The following ADAMTSL1 variants were observed in gnomAD, a reference collection of about 807,000 sequenced individuals.
The protein encoded by ADAMTSL1 is ADAMTS like 1.
A neutral mutation model predicts 201.8 loss-of-function variants in ADAMTSL1; 126 were observed. That is an observed-to-expected ratio of 0.62 (90% CI 0.54 to 0.72). The LOEUF (loss-of-function observed/expected upper bound fraction) is 0.72, where lower values mean the gene tolerates loss of function less well. ADAMTSL1 is among the 30% of genes least tolerant of loss of function. The pLI is 0.00. For missense variants in ADAMTSL1, 2,679 were observed against 2,277.8 expected, an observed-to-expected ratio of 1.18 and a Z score of -3.59; for synonymous variants, 1,121 against 903.4, an observed-to-expected ratio of 1.24 and a Z score of -4.32.
intron 1 of ADAMTSL1, among the ~76,000 whole-genome samples, chr9:17,959,034 G>A (rs751925255): frequency 6.6e-6 from 1 of 152,064 alleles, no homozygotes; most frequent in East Asian, 1.9e-4. Flanking sequence ...CTGCCTGTGG[G>A]AATAGTAATT....
At chr9:18,669,617 G>A (rs2133081816) in intron 9 of ADAMTSL1, among the ~76,000 whole-genome samples, 1 of 152,192 alleles carries the variant, frequency 6.6e-6, no homozygotes, top group Middle Eastern at 3.4e-3. Flanking sequence ...GTAAATGTTA[G>A]GGAAACTCTC....
chr9:18,755,781 G>C (rs1819714387), intron 16 of ADAMTSL1, among the ~76,000 whole-genome samples: 1 of 151,826 alleles, frequency 6.6e-6, no homozygotes, highest in Admixed American at 6.6e-5. Flanking sequence ...CCTTCTTTTT[G>C]GGAGAAGCAT....
chr9:18,870,752 T>G (rs1827833294), intron 23 of ADAMTSL1, among the ~76,000 whole-genome samples: 1 of 152,160 alleles, frequency 6.6e-6, no homozygotes, highest in Admixed American at 6.6e-5. Context: ...CTGCCACTGT[T>G]TTTGGTAATT....
chr9:18,417,831 T>G lies in ADAMTSL1; in HGVS notation c.208-86998T>G, dbSNP rs553611846. On this transcript the variant is annotated intron_variant, in intron 2 of 29. Coordinates refer to the ADAMTSL1 transcript ENST00000680146. ...ATAACACCACGTCTACCCAATCTCTTCCAGCAGGTAAAAATGCAGAGAAAA... is the reference window on the plus strand; with the variant it reads ...ATAACACCACGTCTACCCAATCTCTGCCAGCAGGTAAAAATGCAGAGAAAA... 3.2e-4 allele frequency among the ~76,000 whole-genome samples: 49 copies of G among 152,262 alleles called. 1 individual carries two copies. The South Asian group carries it at 4.8e-3, about 15-fold the overall frequency.
At chr9:18,904,514 A>T (rs1830182899) in intron 26 of ADAMTSL1, among the ~76,000 whole-genome samples, 1 of 151,252 alleles carries the variant, frequency 6.6e-6, no homozygotes. Context: ...AAAGAGAGAA[A>T]TTTTAGCCAC....
rs111236083 is a variant in ADAMTSL1 at position 18,069,398 on chromosome 9, G to A, written c.88-94464G>A. Among the ~76,000 whole-genome samples, 161 of 152,126 alleles carry A rather than the reference G, an allele frequency of 1.1e-3. 3 individuals carry two copies. The highest frequency in any genetic ancestry group is 3.6e-3 in the African/African-American group (151 of 41,496). On this transcript the variant is annotated intron_variant, in intron 1 of 29. Transcript: ENST00000680146. ...TAAGAAGGACATATTACACTGCAAC[G>A]TATTATATACATACATACATACATA...
chr9:18,770,208 G>A (rs149129033), intron 16 of ADAMTSL1, among the ~76,000 whole-genome samples: 22 of 152,256 alleles, frequency 1.4e-4, no homozygotes, highest in African/African-American at 4.1e-4. Flanking sequence ...TACTGATGGC[G>A]GGAGCTCTCT....
chr9:18,006,614 A>G (rs1038565467), intron 1 of ADAMTSL1, among the ~76,000 whole-genome samples: 1 of 152,000 alleles, frequency 6.6e-6, no homozygotes, highest in Non-Finnish European at 1.5e-5. Context: ...CCTTGGATAT[A>G]TCCCATGGTC....
chr9:18,405,652 A>G (rs912752540), intron 2 of ADAMTSL1, among the ~76,000 whole-genome samples: 4 of 151,196 alleles, frequency 2.6e-5, no homozygotes, highest in African/African-American at 7.3e-5. Flanking sequence ...AAAAAAAAAG[A>G]CTTACCTTGG....
chr9:18,235,330 C>T (rs995989308), intron 2 of ADAMTSL1, among the ~76,000 whole-genome samples: 7 of 152,148 alleles, frequency 4.6e-5, no homozygotes, highest in Non-Finnish European at 8.8e-5. Flanking sequence ...GCCACAGAAG[C>T]GAAGTGCCCT....
In ADAMTSL1 at chr9:18,769,301, C is replaced by T. The variant is rs939709183; in HGVS notation, c.2218-1301C>T. Among the ~76,000 whole-genome samples, 9 of 152,330 alleles carry T rather than the reference C, an allele frequency of 5.9e-5. No homozygotes were observed. In the South Asian group the frequency reaches 6.2e-4, roughly 11 times the overall value. On this transcript the variant is annotated intron_variant, in intron 16 of 28. Coordinates refer to ENST00000380548, the MANE Select transcript of ADAMTSL1 (RefSeq NM_001040272.6). ...GCAGGTACTTCAGCACAAACTCTCA[C>T]GCTTTTTAAAACCAGGCTTGATCTC...
intron 2 of ADAMTSL1, among the ~76,000 whole-genome samples, chr9:18,219,473 A>G (rs1259341553): frequency 1.3e-5 from 2 of 151,912 alleles, no homozygotes; most frequent in African/African-American, 4.8e-5. Flanking sequence ...GGTTCAAGCA[A>G]TTCTCATGCC....
chr9:18,457,863 CTCT>C (rs1175145091), intron 2 of ADAMTSL1, among the ~76,000 whole-genome samples: 1 of 152,198 alleles, frequency 6.6e-6, no homozygotes, highest in East Asian at 1.9e-4. Flanking sequence ...ATTCAAAAAT[CTCT>C]TGTCTGGCCT....
intron 2 of ADAMTSL1, among the ~76,000 whole-genome samples, chr9:18,399,735 T>C (rs1817911968): frequency 6.6e-6 from 1 of 152,134 alleles, no homozygotes; most frequent in Non-Finnish European, 1.5e-5. Context: ...TCAAAGACTA[T>C]AGGAAAACAT....
intron 4 of ADAMTSL1, among the ~76,000 whole-genome samples, chr9:18,611,648 C>A (rs1446064569): frequency 2.0e-5 from 3 of 152,106 alleles, no homozygotes; most frequent in African/African-American, 7.2e-5. Flanking sequence ...TTCTCTTTTT[C>A]CCTTTCAGAG....
At chr9:18,177,073 T>C (rs1828201624) in intron 2 of ADAMTSL1, among the ~76,000 whole-genome samples, 1 of 152,208 alleles carries the variant, frequency 6.6e-6, no homozygotes, top group Non-Finnish European at 1.5e-5. Context: ...CATTGACATA[T>C]GTATGTTTAG....
chr9:18,036,339 G>C (rs542673729), intron 1 of ADAMTSL1, among the ~76,000 whole-genome samples: 1 of 152,094 alleles, frequency 6.6e-6, no homozygotes, highest in Non-Finnish European at 1.5e-5. Context: ...TGGATTCTCC[G>C]TATACTCTGC....
rs752195201 is a variant in ADAMTSL1, at chr9:18,867,237, C to T, written c.4250-20594C>T. ...AAATGAAAGTAATCTCTGAATGCAA[C>T]AGAGCTGCATGAATGAAAGTGAACC... On this transcript the variant is annotated intron_variant, in intron 23 of 28. Coordinates refer to ENST00000380548, the MANE Select transcript of ADAMTSL1 (RefSeq NM_001040272.6). 5.8e-4 allele frequency among the ~76,000 whole-genome samples: 89 copies of T among 152,314 alleles called. 1 individual carries two copies. The highest frequency in any genetic ancestry group is 6.8e-3 in the Middle Eastern group (2 of 294).
At chr9:17,924,523 A>G (rs1471397208) in intron 1 of ADAMTSL1, among the ~76,000 whole-genome samples, 2 of 148,514 alleles carry the variant, frequency 1.3e-5, no homozygotes, top group East Asian at 3.9e-4. Context: ...TCAATGGAAC[A>G]GAACAGAGCC....
Sources: allele counts gnomAD v4.1 joint callset (sites outside exome capture counted in the v4.1 genomes callset), GRCh38; gene constraint gnomAD v4.1.1; transcripts MANE v1.5; gene names NCBI Gene and HGNC (gene_info 2026-07-23, HGNC 2026-07-21).